Variants in MYCBP2 observed in about 807,000 individuals in gnomAD.
MYCBP2 encodes the protein E3 ubiquitin-protein ligase MYCBP2.
In MYCBP2, 120 loss-of-function variants were observed where a neutral mutation model predicts 525.3. The ratio of observed to expected loss-of-function variants is 0.23; its 90% CI spans 0.20 to 0.27. MYCBP2 has a LOEUF of 0.27. Ranked by LOEUF, MYCBP2 falls within the 10% of genes least tolerant of loss-of-function variation. The pLI is 1.00. For synonymous variants in MYCBP2, 1,894 were observed against 1,955.8 expected (o/e 0.97, Z 0.83); for missense variants, 4,149 against 5,657.1 (o/e 0.73, Z 8.55).
intron 67 of MYCBP2, 99 bp from the exon 68 acceptor site, chr13:77,076,948 T>G: frequency 9.0e-7 from 1 of 1,116,908 alleles, no homozygotes. Flanking sequence ...TATAATATGC[T>G]ACTCTTGCTA....
intron 3 of MYCBP2, among the ~76,000 whole-genome samples, chr13:77,281,188 A>T (rs2076151318): frequency 6.6e-6 from 1 of 152,172 alleles, no homozygotes; most frequent in Non-Finnish European, 1.5e-5. Flanking sequence ...TAAGGAGAAA[A>T]AATATAGTCC....
chr13:77,283,150 G>A (rs938978385), intron 3 of MYCBP2, among the ~76,000 whole-genome samples: 1 of 152,134 alleles, frequency 6.6e-6, no homozygotes, highest in Admixed American at 6.5e-5. Flanking sequence ...ACAGGGTGGT[G>A]AGTCTGATGC....
chr13:77,141,895 C>G (rs2054704227), intron 49 of MYCBP2, among the ~76,000 whole-genome samples: 1 of 151,804 alleles, frequency 6.6e-6, no homozygotes, highest in Non-Finnish European at 1.5e-5. Flanking sequence ...TATGGTCAAG[C>G]AAGGTCGCAG....
chr13:77,115,798 T>G (rs1222201260), intron 55 of MYCBP2, among the ~76,000 whole-genome samples: 2 of 151,820 alleles, frequency 1.3e-5, no homozygotes, highest in African/African-American at 4.8e-5. Context: ...AACCAGGATC[T>G]TGAGTTATGA....
At chr13:77,309,288 C>T (rs2079855429) in intron 1 of MYCBP2, among the ~76,000 whole-genome samples, 1 of 152,168 alleles carries the variant, frequency 6.6e-6, no homozygotes, top group African/African-American at 2.4e-5. Context: ...ACTTCGGTTT[C>T]ACTGGCCTAA....
rs60927409 is a variant in MYCBP2 at position 77,183,541 on chromosome 13, CTTTTTTTTTTTT to C, written c.4719+1550_4719+1561del. 2.9e-4 allele frequency among the ~76,000 whole-genome samples: 19 copies of C among 66,050 alleles called. No homozygotes were observed. The East Asian group carries it at 5.0e-3, about 18-fold the overall frequency. The allele number at this position is 66,050 out of a possible 152,430, so 43.3% of individuals were successfully genotyped here. A position where few individuals can be genotyped will look rare whatever the true frequency, so the allele number is the denominator to read the frequency against. Reference sequence around the variant, plus strand: ...TTGTTTATAGTGATAGTCCCTATTTCTTTTTTTTTTTTTTTTTTTTTTTTTTTTTGAGATGGA... The same window carrying C: ...TTGTTTATAGTGATAGTCCCTATTTCTTTTTTTTTTTTTTTTTGAGATGGA... On this transcript the variant is annotated intron_variant, in intron 32 of 82. Transcript: ENST00000544440.
intron 39 of MYCBP2, 79 bp downstream of exon 39, chr13:77,169,535 G>A (rs1288904395): frequency 8.1e-7 from 1 of 1,240,140 alleles, no homozygotes; most frequent in Non-Finnish European, 1.1e-6. Flanking sequence ...GCAAGTTTTT[G>A]TAAAGACAAG....
At chr13:77,109,301 A>G (rs1325046744) in intron 55 of MYCBP2, among the ~76,000 whole-genome samples, 2 of 152,126 alleles carry the variant, frequency 1.3e-5, no homozygotes, top group African/African-American at 2.4e-5. Context: ...TCTCATGAGG[A>G]GCTCTCAACC....
chr13:77,176,019 CTTT>C (rs35933603), intron 36 of MYCBP2, among the ~76,000 whole-genome samples: 14 of 142,942 alleles, frequency 9.8e-5, no homozygotes, highest in Admixed American at 8.3e-4. Context: ...AACAAAAACA[CTTT>C]TTTTTTTTTT....
At chr13:77,310,044 G>A (rs780957440) in intron 1 of MYCBP2, among the ~76,000 whole-genome samples, 3 of 152,072 alleles carry the variant, frequency 2.0e-5, no homozygotes, top group Admixed American at 1.3e-4. Context: ...CTCAGGAGGC[G>A]GAGGTTGCAG....
At chr13:77,085,490 A>G (rs1594379127) in intron 62 of MYCBP2, among the ~76,000 whole-genome samples, 1 of 152,254 alleles carries the variant, frequency 6.6e-6, no homozygotes, top group East Asian at 1.9e-4. Context: ...TCTCTGCCTG[A>G]CCTATCCAGT....
intron 1 of MYCBP2, among the ~76,000 whole-genome samples, chr13:77,306,800 A>C (rs2079482741): frequency 6.6e-6 from 1 of 152,212 alleles, no homozygotes; most frequent in African/African-American, 2.4e-5. Context: ...AAGAACACAG[A>C]GATACAAGGC....
intron 30 of MYCBP2, among the ~76,000 whole-genome samples, chr13:77,186,470 T>G (rs553982577): frequency 1.3e-5 from 2 of 152,150 alleles, no homozygotes; most frequent in South Asian, 4.1e-4. Flanking sequence ...TAGTAAAAAA[T>G]AAAATAGAGT....
chr13:77,303,568 C>A (rs1471817463), intron 1 of MYCBP2, among the ~76,000 whole-genome samples: 1 of 151,232 alleles, frequency 6.6e-6, no homozygotes, highest in Non-Finnish European at 1.5e-5. Context: ...AAACAAACAA[C>A]TAAGAAATTC....
intron 1 of MYCBP2, among the ~76,000 whole-genome samples, chr13:77,301,705 AT>A (rs2078831494): frequency 6.6e-6 from 1 of 152,196 alleles, no homozygotes; most frequent in Non-Finnish European, 1.5e-5. Flanking sequence ...GAAGCAAAAT[AT>A]GTGGCAGACA....
chr13:77,276,816 GT>G (rs397851660), intron 4 of MYCBP2, among the ~76,000 whole-genome samples: 17,569 of 75,972 alleles, frequency 0.23, 863 homozygotes, highest in African/African-American at 0.37. Flanking sequence ...TCCATGCCCA[GT>G]TTTTTTTTTT....
intron 2 of MYCBP2, among the ~76,000 whole-genome samples, chr13:77,291,373 A>G (rs2077450430): frequency 6.6e-6 from 1 of 152,222 alleles, no homozygotes; most frequent in South Asian, 2.1e-4. Flanking sequence ...AGCGAATACC[A>G]TATGTTTGCA....
intron 21 of MYCBP2, among the ~76,000 whole-genome samples, chr13:77,213,074 A>C (rs140285290): frequency 6.6e-6 from 1 of 152,334 alleles, no homozygotes; most frequent in African/African-American, 2.4e-5. Context: ...CAGGGAAGGA[A>C]ACATGGCAAG....
intron 1 of MYCBP2, among the ~76,000 whole-genome samples, chr13:77,300,971 A>C (rs1384606676): frequency 6.6e-6 from 1 of 152,166 alleles, no homozygotes; most frequent in Non-Finnish European, 1.5e-5. Context: ...GAGGAACTCT[A>C]ATAAAGGAAA....
Sources: gnomAD v4.1 joint callset for allele counts (sites outside exome capture counted in the v4.1 genomes callset) on GRCh38, gnomAD v4.1.1 for gene constraint, MANE v1.5 for transcripts, NCBI Gene and HGNC (gene_info 2026-07-23, HGNC 2026-07-21) for gene names.